Variants in NIPSNAP1 observed in about 807,000 individuals in gnomAD.
The protein encoded by NIPSNAP1 is nipsnap homolog 1, also known as protein NipSnap homolog 1.
Under a neutral mutation model 49.2 loss-of-function variants are expected in NIPSNAP1, and 25 were observed. That is an observed-to-expected ratio of 0.51 (90% confidence interval 0.37 to 0.71). The LOEUF (loss-of-function observed/expected upper bound fraction) is 0.71. Among genes scored for constraint, NIPSNAP1 ranks in the 30% least tolerant of loss-of-function variants. NIPSNAP1 has a pLI of 0.00. For synonymous variants in NIPSNAP1, 143 were observed against 140.7 expected (o/e 1.02, Z -0.12); for missense variants, 294 against 361.0 (o/e 0.81, Z 1.50).
At chr22:29,570,560 GC>G (rs766824096) in intron 1 of NIPSNAP1, 28 bp from the exon 2 acceptor site, 1 of 1,606,814 alleles carries the variant, frequency 6.2e-7, no homozygotes, top group Non-Finnish European at 8.5e-7. Context: ...TGAGGGGGAC[GC>G]GCGGAGGTTG....
chr22:29,570,276 G>A (rs2064398462), intron 2 of NIPSNAP1, 69 bp from the exon 3 acceptor site: 11 of 1,601,542 alleles, frequency 6.9e-6, no homozygotes, highest in Admixed American at 6.7e-5. Context: ...GGGGTGAGGG[G>A]AGCCCATCAA....
chr22:29,573,008 C>T (rs568152252), intron 1 of NIPSNAP1, among the ~76,000 whole-genome samples: 3 of 150,672 alleles, frequency 2.0e-5, no homozygotes, highest in African/African-American at 7.3e-5. Flanking sequence ...TAAAAATAAT[C>T]TTAAAGTGGT....
intron 1 of NIPSNAP1, among the ~76,000 whole-genome samples, chr22:29,572,916 G>A (rs1192203201): frequency 6.6e-6 from 1 of 151,866 alleles, no homozygotes; most frequent in Non-Finnish European, 1.5e-5. Flanking sequence ...GGAAATCAAG[G>A]CTACAATGAA....
chr22:29,575,087 C>T (rs2064441674), intron 1 of NIPSNAP1, among the ~76,000 whole-genome samples: 1 of 152,214 alleles, frequency 6.6e-6, no homozygotes, highest in African/African-American at 2.4e-5. Flanking sequence ...AGGTTGGGCA[C>T]TGAGGGACCT....
chr22:29,561,376 T>C, intron 6 of NIPSNAP1, 130 bp downstream of exon 6: 1 of 1,462,248 alleles, frequency 6.8e-7, no homozygotes, highest in Non-Finnish European at 9.5e-7. Flanking sequence ...CACACATGTG[T>C]ATACAACTCT....
intron 1 of NIPSNAP1, among the ~76,000 whole-genome samples, chr22:29,574,289 A>AAAAAAAAAAAAAGAAAGAAAAAG (rs2064434492): frequency 1.4e-4 from 18 of 125,236 alleles, no homozygotes; most frequent in African/African-American, 5.6e-4. Context: ...AAAAAAAAAA[A>AAAAAAAAAAAAAGAAAGAAAAAG]AAAGAAAGAA....
Position 29,561,627 on chromosome 22 carries a change from C to A in NIPSNAP1, c.458G>T (p.Arg153Met). 3 of 1,614,054 alleles carry A rather than the reference C, an allele frequency of 1.9e-6. 1 individual carries two copies. In the South Asian group the frequency reaches 3.3e-5, roughly 18 times the overall value. Residue 153 changes from arginine to methionine, a missense_variant, in exon 6 of 10, where the codon AGG (arginine) becomes ATG (methionine). Physicochemically the swap from Arg to Met is moderately conservative, Grantham distance 91. Coordinates refer to ENST00000216121, the MANE Select transcript of NIPSNAP1 (RefSeq NM_003634.4). ...KNNKEYLEFR[R>M]ERSQMLLSRR... ...GGACAGCAGCATCTGGCTCCGCTCCCTTCGGAACTCCAGGTACTCCTGTGG... is the reference window on the plus strand; with the variant it reads ...GGACAGCAGCATCTGGCTCCGCTCCATTCGGAACTCCAGGTACTCCTGTGG...
intron 1 of NIPSNAP1, among the ~76,000 whole-genome samples, chr22:29,573,018 T>C (rs2064422561): frequency 6.7e-6 from 1 of 149,728 alleles, no homozygotes; most frequent in Non-Finnish European, 1.5e-5. Flanking sequence ...CTTAAAGTGG[T>C]GATATGTTTG....
In NIPSNAP1 at chr22:29,578,325, T is replaced by C. The variant is rs547803837; in HGVS notation, c.98+2660A>G. The stretch of plus-strand genomic sequence containing the variant: ...TGCTGGGATTACAGGCATGACCCAC[T>C]GTGCCTGGCCAAATTTTTGTATTTT... On this transcript the variant is annotated intron_variant, in intron 1 of 9. Coordinates refer to ENST00000216121, the MANE Select transcript of NIPSNAP1 (RefSeq NM_003634.4). Among the ~76,000 whole-genome samples the C allele has an allele frequency of 7.3e-5, 11 of 151,418 alleles. No individual in the cohort carries two copies. In the South Asian group the frequency reaches 2.3e-3, roughly 31 times the overall value.
At position 29,555,802 on chromosome 22, in the gene NIPSNAP1, T is replaced by G; in HGVS notation, c.*133A>C. 1.3e-6 allele frequency: 1 copy of G among 799,880 alleles called. No individual in the cohort carries two copies. The highest frequency in any genetic ancestry group is 2.2e-6 in the Non-Finnish European group (1 of 463,254). 49.5% of individuals were successfully genotyped at this position (799,880 alleles called of 1,614,324 possible). A position where few individuals can be genotyped will look rare whatever the true frequency, so the allele number is the denominator to read the frequency against. ...GAACTTGTCAGCCTTCAGTTCCCCC[T>G]TGTCTGAACTGAGCACTGCCCCTCA... On this transcript the variant is annotated 3_prime_UTR_variant, in exon 10 of 10. Transcript: ENST00000216121.
At chr22:29,568,462 G>GA (rs1356233699) in intron 4 of NIPSNAP1, among the ~76,000 whole-genome samples, 1 of 139,066 alleles carries the variant, frequency 7.2e-6, no homozygotes, top group Non-Finnish European at 1.5e-5. Context: ...CAGCCTGGGT[G>GA]ACAGAGCGAG....
intron 8 of NIPSNAP1, among the ~76,000 whole-genome samples, chr22:29,559,247 GT>G (rs11308506): frequency 0.85 from 129,829 of 152,184 alleles, 56,023 homozygotes; most frequent in African/African-American, 0.96. Flanking sequence ...CATTTTTAGT[GT>G]TAACACTTCC....
At position 29,561,543 on chromosome 22, in the gene NIPSNAP1, C is replaced by G; in HGVS notation, c.542G>C (p.Gly181Ala). 6 of 1,614,098 alleles carry G rather than the reference C, an allele frequency of 3.7e-6. No homozygotes were observed. The South Asian group carries it at 6.6e-5, about 18-fold the overall frequency. Residue 181 changes from glycine (G) to alanine (A), a missense_variant, in exon 6 of 10, where the codon GGT (glycine) becomes GCT (alanine). Physicochemically the swap from Gly to Ala is moderately conservative, Grantham distance 60. Coordinates refer to ENST00000216121, the MANE Select transcript of NIPSNAP1 (RefSeq NM_003634.4). ...TGTCCTCAGCTCATAGATGTTGGGA[C>G]CCATTCTGGGCTGTGGCTCATTCCA... ...SFWNEPQPRM[G>A]PNIYELRTYK...
intron 7 of NIPSNAP1, 56 bp from the exon 8 acceptor site, chr22:29,560,884 A>C (rs1208572782): frequency 5.9e-6 from 9 of 1,516,076 alleles, no homozygotes; most frequent in Admixed American, 1.7e-5. Context: ...GAGGGTACTG[A>C]GGCTGATTCC....
intron 8 of NIPSNAP1, among the ~76,000 whole-genome samples, chr22:29,559,435 C>T (rs1013247915): frequency 1.3e-5 from 2 of 151,728 alleles, no homozygotes; most frequent in Admixed American, 6.6e-5. Context: ...TACTCAGGAG[C>T]GTGAGGCACG....
intron 1 of NIPSNAP1, among the ~76,000 whole-genome samples, chr22:29,577,784 G>C (rs889329326): frequency 4.6e-5 from 7 of 150,750 alleles, no homozygotes; most frequent in African/African-American, 1.7e-4. Flanking sequence ...CCAGGCTGGA[G>C]TGCAGTGGCG....
At chr22:29,570,585 AATTCCATCCACTTGG>A (rs1424129992) in intron 1 of NIPSNAP1, 53 bp from the exon 2 acceptor site, 70 of 1,586,326 alleles carry the variant, frequency 4.4e-5, no homozygotes, top group Non-Finnish European at 5.0e-5. Context: ...GAGCCCCAGC[AATTCCATCCACTTGG>A]ATGTCCTGCT....
chr22:29,580,525 A>C (rs1022013366), intron 1 of NIPSNAP1, among the ~76,000 whole-genome samples: 5 of 152,152 alleles, frequency 3.3e-5, no homozygotes, highest in African/African-American at 1.2e-4. Flanking sequence ...CCCCACCTGT[A>C]CAGTTCGAGG....
At chr22:29,574,711 G>A (rs1460083669) in intron 1 of NIPSNAP1, among the ~76,000 whole-genome samples, 5 of 151,116 alleles carry the variant, frequency 3.3e-5, no homozygotes, top group African/African-American at 9.7e-5. Flanking sequence ...CCCGGGAGGC[G>A]GAGGTTGCAG....
Sources: gnomAD v4.1 joint callset for allele counts (sites outside exome capture counted in the v4.1 genomes callset) on GRCh38, gnomAD v4.1.1 for gene constraint, MANE v1.5 for transcripts, NCBI Gene and HGNC (gene_info 2026-07-23, HGNC 2026-07-21) for gene names.